NECAB2: variants seen among roughly 807,000 people sequenced by gnomAD.
The protein encoded by NECAB2 is N-terminal EF-hand calcium-binding protein 2.
In NECAB2, 68 loss-of-function variants were observed where a neutral mutation model predicts 51.9. The ratio of observed to expected loss-of-function variants is 1.31; its 90% CI spans 1.08 to 1.60. The LOEUF (loss-of-function observed/expected upper bound fraction) is 1.60. Among genes scored for constraint, NECAB2 ranks in the 40% most tolerant of loss-of-function variants. The pLI is 0.00. For missense variants in NECAB2, 854 were observed against 490.3 expected, an observed-to-expected ratio of 1.74 and a Z score of -7.00; for synonymous variants, 329 against 203.5, an observed-to-expected ratio of 1.62 and a Z score of -5.25.
intron 2 of NECAB2, among the ~76,000 whole-genome samples, chr16:83,974,349 G>A (rs1483688170): frequency 6.6e-6 from 1 of 152,172 alleles, no homozygotes; most frequent in Non-Finnish European, 1.5e-5. Flanking sequence ...ACCTCAGAGG[G>A]CTGTCTGAGG....
chr16:83,982,049 C>T (rs1020878964), intron 5 of NECAB2, among the ~76,000 whole-genome samples: 1 of 152,166 alleles, frequency 6.6e-6, no homozygotes, highest in Admixed American at 6.5e-5. Flanking sequence ...TTATGAATTA[C>T]GAAGTCCTTC....
upstream of NECAB2, chr16:83,965,722 C>G: frequency 1.2e-6 from 2 of 1,613,616 alleles, no homozygotes; most frequent in Non-Finnish European, 1.7e-6. Flanking sequence ...TCGAGGGTGT[C>G]GAGAAGGTGT....
intron 9 of NECAB2, among the ~76,000 whole-genome samples, chr16:83,997,723 A>G (rs968251958): frequency 4.6e-5 from 7 of 151,854 alleles, no homozygotes; most frequent in South Asian, 4.2e-4. Flanking sequence ...TCAAACTCCT[A>G]TCCTCATGAT....
chr16:83,983,616 G>A (rs148696753), intron 5 of NECAB2, among the ~76,000 whole-genome samples: 2 of 152,182 alleles, frequency 1.3e-5, no homozygotes, highest in African/African-American at 4.8e-5. Context: ...GCTATTGATG[G>A]GGTGGATGCT....
intron 5 of NECAB2, among the ~76,000 whole-genome samples, chr16:83,989,065 T>C (rs1046580678): frequency 3.9e-5 from 6 of 152,210 alleles, no homozygotes; most frequent in African/African-American, 1.4e-4. Flanking sequence ...TCCGGGTGCT[T>C]TTAACACACT....
chr16:84,002,526 G>A lies in NECAB2; in HGVS notation c.*180G>A, dbSNP rs892975864. 13 of 778,348 alleles carry A rather than the reference G, an allele frequency of 1.7e-5. No individual in the cohort carries two copies. The highest frequency in any genetic ancestry group is 2.5e-5 in the Non-Finnish European group (12 of 479,436). 48.2% of individuals were successfully genotyped at this position (778,348 alleles called of 1,614,324 possible). On this transcript the variant is annotated 3_prime_UTR_variant, in exon 13 of 13. Transcript: ENST00000305202. ...CCCTGCCCCCACCTGAGAAGGCAGA[G>A]CAGTGTCTGTGCTGCCAGGTCCTGG...
chr16:83,984,892 TA>T, intron 5 of NECAB2, among the ~76,000 whole-genome samples: 1 of 152,356 alleles, frequency 6.6e-6, no homozygotes, highest in Non-Finnish European at 1.5e-5. Context: ...CATGTTTTCT[TA>T]TTTATTTATA....
At chr16:83,990,352 C>A in intron 5 of NECAB2, 142 bp from the exon 6 acceptor site, 1 of 1,074,858 alleles carries the variant, frequency 9.3e-7, no homozygotes, top group Non-Finnish European at 1.4e-6. Context: ...TAAGACTGGA[C>A]CCCAGGAGGC....
intron 10 of NECAB2, 49 bp downstream of exon 10, chr16:83,998,366 C>G (rs371554969): frequency 1.6e-5 from 25 of 1,568,938 alleles, no homozygotes; most frequent in Non-Finnish European, 2.0e-5. Context: ...GGAGCTCTGC[C>G]TGGCAGTGGA....
At chr16:83,991,764 A>T (rs997117081) in intron 6 of NECAB2, among the ~76,000 whole-genome samples, 3 of 150,544 alleles carry the variant, frequency 2.0e-5, no homozygotes, top group African/African-American at 7.3e-5. Context: ...CTCCCACCTC[A>T]GCCTCCCAAG....
At chr16:83,978,181 G>A (rs2084438013) in intron 2 of NECAB2, among the ~76,000 whole-genome samples, 2 of 152,214 alleles carry the variant, frequency 1.3e-5, no homozygotes, top group South Asian at 2.1e-4. Context: ...AACAGGCATT[G>A]GTCTGGGAAT....
intron 5 of NECAB2, among the ~76,000 whole-genome samples, chr16:83,988,777 G>A (rs2084586375): frequency 6.6e-6 from 1 of 152,142 alleles, no homozygotes; most frequent in Admixed American, 6.5e-5. Flanking sequence ...TTCTCCACCT[G>A]AGCCTTTCCC....
At chr16:83,965,916 T>C (rs2151080653), upstream of NECAB2, 2 of 1,612,734 alleles carry the variant, frequency 1.2e-6, no homozygotes, top group East Asian at 4.5e-5. Flanking sequence ...ATGGGGCCGC[T>C]GGCCGGGGAC....
intron 2 of NECAB2, among the ~76,000 whole-genome samples, chr16:83,975,111 C>CAGGTGTGCAGGG (rs1210434157): frequency 8.3e-6 from 1 of 120,616 alleles, no homozygotes; most frequent in Non-Finnish European, 1.7e-5. Flanking sequence ...GGGATGAGAG[C>CAGGTGTGCAGGG]AGGTGTGCAG....
chr16:83,965,904 C>G, upstream of NECAB2: 1 of 1,612,854 alleles, frequency 6.2e-7, no homozygotes, highest in Non-Finnish European at 8.5e-7. Flanking sequence ...GGCCTGTACG[C>G]CATGGGGCCG....
rs557410129 is a variant in NECAB2 at position 83,979,877 on chromosome 16, A to G, written c.336-962A>G. On this transcript the variant is annotated intron_variant, in intron 3 of 12. Transcript: ENST00000305202. The stretch of plus-strand genomic sequence containing the variant: ...ACATTAGCCCCTTGGGATGCTAAAT[A>G]GACTTTGTGCCCAAAACAGTGTACA... Among the ~76,000 whole-genome samples, 3 of 152,342 alleles carry G rather than the reference A, an allele frequency of 2.0e-5. No homozygotes were observed. The East Asian group carries it at 5.8e-4, about 29-fold the overall frequency.
At chr16:84,002,000 G>T (rs1597235652) in intron 12 of NECAB2, 84 bp downstream of exon 12, 3 of 1,441,356 alleles carry the variant, frequency 2.1e-6, no homozygotes, top group Admixed American at 3.8e-5. Context: ...TATCTCCCGG[G>T]GACTTGCCTG....
intron 9 of NECAB2, 110 bp from the exon 10 acceptor site, chr16:83,998,095 G>T: frequency 2.2e-6 from 2 of 920,318 alleles, no homozygotes; most frequent in South Asian, 1.6e-5. Flanking sequence ...GAAAAGTGGG[G>T]GAGGGTTATT....
chr16:83,998,393 A>C (rs2084751896), intron 10 of NECAB2, 76 bp downstream of exon 10: 2 of 1,408,184 alleles, frequency 1.4e-6, no homozygotes, highest in Middle Eastern at 1.9e-4. Context: ...GGGCAGGACT[A>C]GGCTTTGCCC....
Sources: allele counts gnomAD v4.1 joint callset (sites outside exome capture counted in the v4.1 genomes callset), GRCh38; gene constraint gnomAD v4.1.1; transcripts MANE v1.5; gene names NCBI Gene and HGNC (gene_info 2026-07-23, HGNC 2026-07-21).